ELAVL4: variants seen among roughly 807,000 people sequenced by gnomAD.
ELAVL4 encodes the protein ELAV-like protein 4.
A neutral mutation model predicts 35.6 loss-of-function variants in ELAVL4; 1 was observed. The observed-to-expected ratio is 0.03, with a 90% CI of 0.01 to 0.13. The LOEUF (loss-of-function observed/expected upper bound fraction) is 0.13, where lower values mean the gene tolerates loss of function less well. ELAVL4 is among the 10% of genes least tolerant of loss of function. The probability of loss-of-function intolerance (pLI) is 1.00; values close to 1 mark genes in which losing one functional copy is unlikely to be tolerated. For missense variants in ELAVL4, 267 were observed against 464.9 expected, an observed-to-expected ratio of 0.57 and a Z score of 3.91; for synonymous variants, 156 against 171.0, an observed-to-expected ratio of 0.91 and a Z score of 0.69.
chr1:50,092,078 G>C (rs1402646928), intron 1 of ELAVL4, among the ~76,000 whole-genome samples: 1 of 152,172 alleles, frequency 6.6e-6, no homozygotes, highest in Non-Finnish European at 1.5e-5. Flanking sequence ...CAGGCATTGT[G>C]CTTCAGATAC....
intron 1 of ELAVL4, among the ~76,000 whole-genome samples, chr1:50,090,376 T>TA (rs1240303792): frequency 1.3e-5 from 2 of 152,162 alleles, no homozygotes; most frequent in Non-Finnish European, 2.9e-5. Flanking sequence ...TATTCTAAAA[T>TA]ATTCTATACA....
Position 50,163,977 on chromosome 1 carries a change from C to G in ELAVL4, c.251-13112C>G, listed in dbSNP as rs574342897. On this transcript the variant is annotated intron_variant, in intron 2 of 6. Transcript: ENST00000371824. ...TGGCTCTAGAGTCAGATGGGCCTAGCCACTATTTTCTAGACAAGAAAGCTA... is the reference window on the plus strand; with the variant it reads ...TGGCTCTAGAGTCAGATGGGCCTAGGCACTATTTTCTAGACAAGAAAGCTA... Among the ~76,000 whole-genome samples the G allele has an allele frequency of 2.3e-4, 35 of 152,250 alleles. No homozygotes were observed. The South Asian group carries it at 7.0e-3, about 31-fold the overall frequency.
intron 1 of ELAVL4, chr1:50,115,130 T>G (rs1667733703): frequency 6.6e-6 from 1 of 152,030 alleles, no homozygotes; most frequent in Admixed American, 6.6e-5. Context: ...TGAGACTGTC[T>G]TTGCTCAGAA....
At chr1:50,149,291 G>T (rs1484871790) in intron 2 of ELAVL4, among the ~76,000 whole-genome samples, 1 of 151,550 alleles carries the variant, frequency 6.6e-6, no homozygotes, top group East Asian at 2.0e-4. Context: ...CCAGCTACTC[G>T]GGAGGCTGAG....
intron 1 of ELAVL4, among the ~76,000 whole-genome samples, chr1:50,059,425 A>C (rs557274705): frequency 2.0e-5 from 3 of 152,152 alleles, no homozygotes; most frequent in Non-Finnish European, 4.4e-5. Flanking sequence ...TTGTTATTTA[A>C]AATGTTAAGA....
intron 1 of ELAVL4, among the ~76,000 whole-genome samples, chr1:50,081,927 G>A (rs537710516): frequency 6.6e-6 from 1 of 152,196 alleles, no homozygotes; most frequent in South Asian, 2.1e-4. Flanking sequence ...AGAACATGCA[G>A]TGTTTGGTTT....
At chr1:50,075,461 G>T (rs1457421658) in intron 1 of ELAVL4, among the ~76,000 whole-genome samples, 1 of 152,168 alleles carries the variant, frequency 6.6e-6, no homozygotes, top group East Asian at 1.9e-4. Context: ...TGTCCTCTTT[G>T]TAGAAGAGTA....
At chr1:50,123,102 T>C (rs954160633) in intron 1 of ELAVL4, among the ~76,000 whole-genome samples, 1 of 152,088 alleles carries the variant, frequency 6.6e-6, no homozygotes, top group Non-Finnish European at 1.5e-5. Context: ...ACAGTCCTCC[T>C]TGGGGTATGT....
upstream of ELAVL4, chr1:50,108,891 C>T (rs1379221496): frequency 2.8e-6 from 3 of 1,064,798 alleles, no homozygotes; most frequent in African/African-American, 1.7e-5. Context: ...CAGATGGTCC[C>T]ATAAATGGAT....
chr1:50,170,897 G>C (rs1678881272), intron 2 of ELAVL4, among the ~76,000 whole-genome samples: 2 of 152,100 alleles, frequency 1.3e-5, no homozygotes, highest in African/African-American at 4.8e-5. Context: ...GCCAGGTGTG[G>C]TGGCATGCAC....
chr1:50,153,740 C>T (rs1162107867), intron 2 of ELAVL4, among the ~76,000 whole-genome samples: 3 of 152,262 alleles, frequency 2.0e-5, no homozygotes, highest in Non-Finnish European at 1.5e-5. Flanking sequence ...GAAGTTCTAA[C>T]CCCCAATGTA....
intron 1 of ELAVL4, among the ~76,000 whole-genome samples, chr1:50,133,045 A>C (rs1671129722): frequency 6.6e-6 from 1 of 152,170 alleles, no homozygotes; most frequent in African/African-American, 2.4e-5. Flanking sequence ...AACTTTAGCA[A>C]TTGCAGAATA....
At chr1:50,062,803 A>G (rs1664060396) in intron 1 of ELAVL4, among the ~76,000 whole-genome samples, 1 of 152,144 alleles carries the variant, frequency 6.6e-6, no homozygotes, top group East Asian at 1.9e-4. Context: ...TTTTTGGTTC[A>G]AACATGGACA....
chr1:50,068,223 T>C (rs552197347), intron 1 of ELAVL4, among the ~76,000 whole-genome samples: 1 of 152,138 alleles, frequency 6.6e-6, no homozygotes, highest in East Asian at 1.9e-4. Context: ...GGGTGGCAAA[T>C]TGAAGATCTT....
intron 2 of ELAVL4, among the ~76,000 whole-genome samples, chr1:50,165,810 GTGTATATA>G (rs1168825042): frequency 1.3e-4 from 19 of 150,374 alleles, no homozygotes; most frequent in African/African-American, 2.9e-4. Flanking sequence ...ATATGTGTGT[GTGTATATA>G]TATATGTGTG....
chr1:50,087,974 T>C (rs937925956), intron 1 of ELAVL4, among the ~76,000 whole-genome samples: 2 of 152,248 alleles, frequency 1.3e-5, no homozygotes, highest in African/African-American at 4.8e-5. Context: ...CCTCACTAAA[T>C]TCTGGTTTCT....
chr1:50,075,036 T>C (rs1246877143), intron 1 of ELAVL4, among the ~76,000 whole-genome samples: 1 of 152,188 alleles, frequency 6.6e-6, no homozygotes, highest in Non-Finnish European at 1.5e-5. Context: ...GAATAGAACA[T>C]AATTTGGATT....
At chr1:50,186,326 G>A (rs947288328) in intron 3 of ELAVL4, among the ~76,000 whole-genome samples, 3 of 152,146 alleles carry the variant, frequency 2.0e-5, no homozygotes, top group Non-Finnish European at 4.4e-5. Context: ...CCCTGATAAA[G>A]CTTTGAGACT....
chr1:50,170,960 G>A (rs1678893693), intron 2 of ELAVL4, among the ~76,000 whole-genome samples: 1 of 152,114 alleles, frequency 6.6e-6, no homozygotes, highest in South Asian at 2.1e-4. Flanking sequence ...TTGAGCCCAG[G>A]AGTTTGAGGC....
Sources: allele counts gnomAD v4.1 joint callset (sites outside exome capture counted in the v4.1 genomes callset), GRCh38; gene constraint gnomAD v4.1.1; transcripts MANE v1.5; gene names NCBI Gene and HGNC (gene_info 2026-07-23, HGNC 2026-07-21).